The following CWC27 variants were observed in gnomAD, a reference collection of about 807,000 sequenced individuals.
The protein encoded by CWC27 is spliceosome-associated protein CWC27 homolog.
A neutral mutation model predicts 63.6 loss-of-function variants in CWC27; 47 were observed. The observed-to-expected ratio is 0.74, with a 90% CI of 0.58 to 0.94. CWC27 has a LOEUF of 0.94. CWC27 is among the 40% of genes least tolerant of loss of function. The pLI, the probability that CWC27 is intolerant of heterozygous loss-of-function variation, is 0.00. For synonymous variants in CWC27, 175 were observed against 179.8 expected, an observed-to-expected ratio of 0.97 and a Z score of 0.22; for missense variants, 495 against 554.3, an observed-to-expected ratio of 0.89 and a Z score of 1.07.
chr5:64,921,810 A>G (rs943298995), intron 11 of CWC27, among the ~76,000 whole-genome samples: 3 of 152,110 alleles, frequency 2.0e-5, no homozygotes, highest in Non-Finnish European at 2.9e-5. Context: ...TTTTGTTTCC[A>G]TATGTAGCAC....
At chr5:64,884,725 A>G (rs1426154556) in intron 10 of CWC27, among the ~76,000 whole-genome samples, 2 of 152,186 alleles carry the variant, frequency 1.3e-5, no homozygotes, top group Admixed American at 6.6e-5. Context: ...TGAGTAGTTA[A>G]TAATTCTTTG....
rs142519617 is a variant in CWC27, at chr5:65,011,490, A to G, written c.1257-6669A>G. Among the ~76,000 whole-genome samples, 620 of 152,300 alleles carry G rather than the reference A, an allele frequency of 4.1e-3. 2 individuals carry two copies. The highest frequency in any genetic ancestry group is 0.014 in the African/African-American group (576 of 41,576). On this transcript the variant is annotated intron_variant, in intron 13 of 13. Coordinates refer to ENST00000381070, the MANE Select transcript of CWC27 (RefSeq NM_005869.4). Reference sequence around the variant, plus strand: ...TATATAGAGGCAGCGAGGAAGAAGGAGAGTGCAGGCGTTTGTTCAGGAAAC... The same window carrying G: ...TATATAGAGGCAGCGAGGAAGAAGGGGAGTGCAGGCGTTTGTTCAGGAAAC...
intron 10 of CWC27, among the ~76,000 whole-genome samples, chr5:64,826,081 A>ATCTGTCTG (rs771573090): frequency 6.9e-6 from 1 of 145,574 alleles, no homozygotes; most frequent in African/African-American, 2.8e-5. Flanking sequence ...TAATAAATCT[A>ATCTGTCTG]TCTATCTATC....
intron 1 of CWC27, among the ~76,000 whole-genome samples, chr5:64,769,997 A>G (rs190456606): frequency 6.6e-6 from 1 of 152,350 alleles, no homozygotes; most frequent in East Asian, 1.9e-4. Context: ...AGCTTATATC[A>G]CATATGAAAT....
At chr5:64,804,409 TA>T in intron 10 of CWC27, 23 bp downstream of exon 10, 1 of 1,556,402 alleles carries the variant, frequency 6.4e-7, no homozygotes, top group Middle Eastern at 2.0e-4. Context: ...CTGTGCTAGA[TA>T]TCAGAGTTTT....
At chr5:64,819,983 T>C (rs543852604) in intron 10 of CWC27, among the ~76,000 whole-genome samples, 60 of 152,310 alleles carry the variant, frequency 3.9e-4, no homozygotes, top group African/African-American at 1.4e-3. Context: ...AAACCCCTAC[T>C]AAATAATTTT....
At chr5:64,913,987 A>C (rs763661912) in intron 11 of CWC27, among the ~76,000 whole-genome samples, 1 of 152,154 alleles carries the variant, frequency 6.6e-6, no homozygotes, top group East Asian at 1.9e-4. Context: ...TGACTGACAA[A>C]TAGACACGTG....
intron 13 of CWC27, among the ~76,000 whole-genome samples, chr5:64,980,200 C>T (rs1457350138): frequency 6.6e-6 from 1 of 152,104 alleles, no homozygotes; most frequent in African/African-American, 2.4e-5. Flanking sequence ...GTGATGGTAC[C>T]AGATTCCAGT....
At chr5:64,995,704 G>T (rs905534564) in intron 13 of CWC27, among the ~76,000 whole-genome samples, 1 of 151,972 alleles carries the variant, frequency 6.6e-6, no homozygotes, top group Non-Finnish European at 1.5e-5. Context: ...TGATTTCTTT[G>T]TCTATTCTTG....
intron 13 of CWC27, among the ~76,000 whole-genome samples, chr5:64,998,019 G>A (rs1749668078): frequency 6.6e-6 from 1 of 152,102 alleles, no homozygotes; most frequent in African/African-American, 2.4e-5. Context: ...TGTCAGAGTT[G>A]CTGACCCTGG....
At chr5:64,804,574 A>G (rs1744597762) in intron 10 of CWC27, 188 bp downstream of exon 10, 1 of 528,578 alleles carries the variant, frequency 1.9e-6, no homozygotes, top group Non-Finnish European at 3.3e-6. Context: ...AGTAAACATA[A>G]CAATGATCCT....
At chr5:64,769,944 C>T (rs1170873673) in intron 1 of CWC27, among the ~76,000 whole-genome samples, 2 of 152,138 alleles carry the variant, frequency 1.3e-5, no homozygotes, top group Non-Finnish European at 2.9e-5. Context: ...GCAGAAGAGT[C>T]TGTTGTGGAA....
intron 1 of CWC27, among the ~76,000 whole-genome samples, chr5:64,770,156 G>A (rs1212820191): frequency 6.6e-6 from 1 of 152,178 alleles, no homozygotes; most frequent in African/African-American, 2.4e-5. Context: ...ATTTGATAAT[G>A]TAATGAGAGC....
At chr5:64,908,191 G>A (rs925625796) in intron 11 of CWC27, among the ~76,000 whole-genome samples, 2 of 152,132 alleles carry the variant, frequency 1.3e-5, no homozygotes, top group African/African-American at 4.8e-5. Flanking sequence ...GTAGTTGTGT[G>A]GTTTTGAGTG....
chr5:64,810,388 G>A (rs1744841234), intron 10 of CWC27, among the ~76,000 whole-genome samples: 2 of 151,862 alleles, frequency 1.3e-5, no homozygotes. Context: ...GGTCTTTTCT[G>A]GTTCCATACT....
At chr5:64,797,835 G>T (rs1744334634) in intron 7 of CWC27, among the ~76,000 whole-genome samples, 1 of 152,170 alleles carries the variant, frequency 6.6e-6, no homozygotes, top group Non-Finnish European at 1.5e-5. Flanking sequence ...TCACAAGGAA[G>T]TGAAATAGTA....
intron 11 of CWC27, among the ~76,000 whole-genome samples, chr5:64,918,248 T>A (rs1388774386): frequency 6.6e-6 from 1 of 151,584 alleles, no homozygotes; most frequent in Non-Finnish European, 1.5e-5. Flanking sequence ...CTTCAGAGAG[T>A]AGAATTGTGG....
chr5:64,950,405 G>T lies in CWC27; in HGVS notation c.1043-21298G>T, dbSNP rs1748681287. ...TTATCATGAAGTATTAATTCATTAA[G>T]TTGTTAATTCAGGAAACATTTGATG... On this transcript the variant is annotated intron_variant, in intron 11 of 13. Coordinates refer to ENST00000381070, the MANE Select transcript of CWC27 (RefSeq NM_005869.4). Among the ~76,000 whole-genome samples, 3 of 151,698 alleles carry T rather than the reference G, an allele frequency of 2.0e-5. No homozygotes were observed. The South Asian group carries it at 6.2e-4, about 31-fold the overall frequency.
chr5:64,780,411 C>T (rs1475248885), intron 2 of CWC27, among the ~76,000 whole-genome samples: 1 of 150,646 alleles, frequency 6.6e-6, no homozygotes, highest in East Asian at 1.9e-4. Context: ...GATGTATATA[C>T]AAATATATAT....
Sources: allele counts gnomAD v4.1 joint callset (sites outside exome capture counted in the v4.1 genomes callset), GRCh38; gene constraint gnomAD v4.1.1; transcripts MANE v1.5; gene names NCBI Gene and HGNC (gene_info 2026-07-23, HGNC 2026-07-21).